TEAD1: variants seen among roughly 807,000 people sequenced by gnomAD.
TEAD1 encodes the protein transcriptional enhancer factor TEF-1.
A neutral mutation model predicts 54.9 loss-of-function variants in TEAD1; 9 were observed. That is an observed-to-expected ratio of 0.16 (90% CI 0.10 to 0.29). TEAD1 has a LOEUF of 0.29. Among genes scored for constraint, TEAD1 ranks in the 10% least tolerant of loss-of-function variants. The pLI is 1.00. For synonymous variants in TEAD1, 200 were observed against 187.8 expected (o/e 1.07, Z -0.53); for missense variants, 387 against 535.9 (o/e 0.72, Z 2.74).
chr11:12,700,862 A>G (rs1302738712), intron 2 of TEAD1, among the ~76,000 whole-genome samples: 1 of 152,238 alleles, frequency 6.6e-6, no homozygotes, highest in Admixed American at 6.5e-5. Context: ...TGCTTCTTCA[A>G]TAAAAATTGT....
At chr11:12,811,211 T>G (rs571525922) in intron 3 of TEAD1, among the ~76,000 whole-genome samples, 1 of 152,342 alleles carries the variant, frequency 6.6e-6, no homozygotes, top group Non-Finnish European at 1.5e-5. Flanking sequence ...TTTCTTTCGC[T>G]GAAGCTTTCA....
intron 9 of TEAD1, among the ~76,000 whole-genome samples, chr11:12,890,145 AAAGTT>A (rs1208202311): frequency 4.6e-5 from 7 of 152,340 alleles, no homozygotes; most frequent in African/African-American, 1.7e-4. Flanking sequence ...AACGTTAAAT[AAAGTT>A]ATCAAGCTCT....
At chr11:12,887,330 C>T (rs11828908) in intron 9 of TEAD1, among the ~76,000 whole-genome samples, 2 of 151,982 alleles carry the variant, frequency 1.3e-5, no homozygotes, top group Non-Finnish European at 2.9e-5. Flanking sequence ...CTCCTGACCT[C>T]GTGATCTGCC....
At chr11:12,746,802 G>C (rs1338539287) in intron 2 of TEAD1, among the ~76,000 whole-genome samples, 2 of 152,218 alleles carry the variant, frequency 1.3e-5, no homozygotes, top group Non-Finnish European at 2.9e-5. Context: ...AACTGGCTGA[G>C]AGCCAGGCTG....
At chr11:12,758,704 C>T (rs576143849) in intron 2 of TEAD1, among the ~76,000 whole-genome samples, 2 of 152,074 alleles carry the variant, frequency 1.3e-5, no homozygotes, top group East Asian at 3.9e-4. Context: ...GTGGGCCACC[C>T]TACCTGGCCA....
chr11:12,835,658 ACT>A (rs1946873619), intron 3 of TEAD1, among the ~76,000 whole-genome samples: 1 of 152,016 alleles, frequency 6.6e-6, no homozygotes, highest in South Asian at 2.1e-4. Flanking sequence ...AAGTAAACAA[ACT>A]CTAGTTTCTT....
chr11:12,795,327 C>T (rs951631505), intron 3 of TEAD1, among the ~76,000 whole-genome samples: 1 of 152,130 alleles, frequency 6.6e-6, no homozygotes, highest in Non-Finnish European at 1.5e-5. Flanking sequence ...CCAGTATGAC[C>T]TTGACTGATC....
intron 2 of TEAD1, among the ~76,000 whole-genome samples, chr11:12,739,198 T>TCTA (rs1944597488): frequency 3.4e-5 from 5 of 146,956 alleles, no homozygotes; most frequent in East Asian, 2.0e-4. Flanking sequence ...GTCTCATTCT[T>TCTA]TCTATCTATC....
chr11:12,787,966 T>C (rs1205270489), intron 3 of TEAD1, among the ~76,000 whole-genome samples: 1 of 150,734 alleles, frequency 6.6e-6, no homozygotes, highest in Non-Finnish European at 1.5e-5. Context: ...CTTTCACTTT[T>C]TTTTTTTTTT....
At chr11:12,901,760 C>T (rs1338086447) in intron 9 of TEAD1, among the ~76,000 whole-genome samples, 180 bp from the exon 10 acceptor site, 1 of 152,186 alleles carries the variant, frequency 6.6e-6, no homozygotes, top group Non-Finnish European at 1.5e-5. Flanking sequence ...CAATGATTGT[C>T]TCAACCCTAA....
intron 3 of TEAD1, among the ~76,000 whole-genome samples, chr11:12,859,783 T>C (rs994216578): frequency 2.0e-5 from 3 of 152,110 alleles, no homozygotes; most frequent in Non-Finnish European, 4.4e-5. Flanking sequence ...TGTTTTGAGG[T>C]CTGAAAATCT....
intron 5 of TEAD1, chr11:12,865,544 G>A (rs1789746149): frequency 6.6e-6 from 1 of 151,876 alleles, no homozygotes; most frequent in Non-Finnish European, 1.5e-5. Flanking sequence ...AAAAAAGATA[G>A]ATCTTAGAGA....
rs1285782044 is a variant in TEAD1, at chr11:12,819,507, T to C, written c.203-42743T>C. Among the ~76,000 whole-genome samples the C allele has an allele frequency of 3.3e-5, 5 of 152,250 alleles. No individual in the cohort carries two copies. The East Asian group carries it at 9.7e-4, about 29-fold the overall frequency. Reference sequence around the variant, plus strand: ...CTCTGTCACCCAGGCTGGAGTGTAGTGGCGCGATCTCGGCTCACTGCAAGC... The same window carrying C: ...CTCTGTCACCCAGGCTGGAGTGTAGCGGCGCGATCTCGGCTCACTGCAAGC... On this transcript the variant is annotated intron_variant, in intron 3 of 12. Transcript: ENST00000527636.
Position 12,801,322 on chromosome 11 carries a change from G to A in TEAD1, c.202+36888G>A, listed in dbSNP as rs566255520. Among the ~76,000 whole-genome samples, 26 of 152,272 alleles carry A rather than the reference G, an allele frequency of 1.7e-4. No individual in the cohort carries two copies. The East Asian group carries it at 1.7e-3, about 10-fold the overall frequency. On this transcript the variant is annotated intron_variant, in intron 3 of 12. Transcript: ENST00000527636. ...AGGAGGGTGCTAGGTTGGGGTGGAC[G>A]GGGCCACAGCTCAGACTAAAAATCC...
chr11:12,767,665 T>C (rs2133930312), intron 3 of TEAD1, among the ~76,000 whole-genome samples: 1 of 152,280 alleles, frequency 6.6e-6, no homozygotes, highest in Middle Eastern at 3.4e-3. Context: ...ACTTGGTCTT[T>C]GGGGAGCTGA....
At chr11:12,676,655 T>C (rs896327240) in intron 2 of TEAD1, among the ~76,000 whole-genome samples, 2 of 152,168 alleles carry the variant, frequency 1.3e-5, no homozygotes, top group Non-Finnish European at 2.9e-5. Flanking sequence ...GAAAGACAAA[T>C]GGATTCGTTG....
chr11:12,730,079 G>A (rs1400181847), intron 2 of TEAD1, among the ~76,000 whole-genome samples: 6 of 152,138 alleles, frequency 3.9e-5, no homozygotes, highest in African/African-American at 1.4e-4. Context: ...ATACATGTTA[G>A]CAAGCCTGTA....
intron 5 of TEAD1, 158 bp downstream of exon 5, chr11:12,865,058 G>T (rs1947588374): frequency 1.2e-6 from 1 of 836,720 alleles, no homozygotes. Flanking sequence ...CTCTGTTTCT[G>T]TACTAGCCTC....
intron 2 of TEAD1, among the ~76,000 whole-genome samples, chr11:12,688,675 G>C (rs1381287242): frequency 6.6e-6 from 1 of 152,202 alleles, no homozygotes; most frequent in Non-Finnish European, 1.5e-5. Flanking sequence ...TATTGGCTGT[G>C]TGATTTTGAG....
Sources: gnomAD v4.1 joint callset for allele counts (sites outside exome capture counted in the v4.1 genomes callset) on GRCh38, gnomAD v4.1.1 for gene constraint, MANE v1.5 for transcripts, NCBI Gene and HGNC (gene_info 2026-07-23, HGNC 2026-07-21) for gene names.